The following NMNAT1 variants were observed in gnomAD, a reference collection of about 807,000 sequenced individuals.
NMNAT1 encodes the protein nicotinamide/nicotinic acid mononucleotide adenylyltransferase 1.
Under a neutral mutation model 16.7 loss-of-function variants are expected in NMNAT1, and 11 were observed. That is an observed-to-expected ratio of 0.66 (90% CI 0.41 to 1.09). NMNAT1 has a LOEUF of 1.09. Among genes scored for constraint, NMNAT1 ranks in the 50% least tolerant of loss-of-function variants. The pLI, the probability that NMNAT1 is intolerant of heterozygous loss-of-function variation, is 0.00. For synonymous variants in NMNAT1, 110 were observed against 119.8 expected (o/e 0.92, Z 0.53); for missense variants, 280 against 332.3 (o/e 0.84, Z 1.22).
At chr1:9,986,520 C>G (rs1642047526), downstream of NMNAT1, among the ~76,000 whole-genome samples, 2 of 151,804 alleles carry the variant, frequency 1.3e-5, no homozygotes, top group South Asian at 4.2e-4. Flanking sequence ...TTGCTTGAGC[C>G]CAGGAGTTCA....
Position 9,982,668 on chromosome 1 carries a change from T to C in NMNAT1, c.807T>C (p.Pro269=), listed in dbSNP as rs752414392. ...EDRNAGVILA[P]LQRNTAEAKT ...GGAATGCTGGGGTCATCCTGGCCCC[T>C]TTGCAGAGAAACACTGCAGAAGCTA... The change falls in exon 5 of 5, where the codon CCT becomes CCC. Residue 269 remains proline (P), a synonymous_variant. Coordinates refer to ENST00000377205, the MANE Select transcript of NMNAT1 (RefSeq NM_022787.4). The C allele has an allele frequency of 6.2e-7, 1 of 1,612,856 alleles. No individual in the cohort carries two copies. The highest frequency in any genetic ancestry group is 8.5e-7 in the Non-Finnish European group (1 of 1,179,396).
downstream of NMNAT1, among the ~76,000 whole-genome samples, chr1:9,985,984 G>T (rs1642041068): frequency 6.6e-6 from 1 of 152,118 alleles, no homozygotes; most frequent in East Asian, 1.9e-4. Flanking sequence ...GTGGTGCCTG[G>T]TCCCATTATT....
At chr1:9,943,398 C>G (rs1442285607), upstream of NMNAT1, 1 of 152,460 alleles carries the variant, frequency 6.6e-6, no homozygotes, top group Non-Finnish European at 1.5e-5. Context: ...TTCCGCTGGA[C>G]GCACGCACTT....
the NMNAT1 span, among the ~76,000 whole-genome samples, chr1:9,993,852 G>A: frequency 3.2e-4 from 48 of 152,212 alleles, no homozygotes; most frequent in Middle Eastern, 3.4e-3. Flanking sequence ...GCTTAGCTGC[G>A]TCAAGTTTCA....
At chr1:9,956,566 C>T (rs907543500) in intron 1 of NMNAT1, among the ~76,000 whole-genome samples, 3 of 151,140 alleles carry the variant, frequency 2.0e-5, no homozygotes, top group Admixed American at 6.6e-5. Flanking sequence ...GGATTACAGG[C>T]GTGTGCCACC....
chr1:9,976,537 G>A (rs896744698), intron 3 of NMNAT1, among the ~76,000 whole-genome samples: 5 of 152,154 alleles, frequency 3.3e-5, no homozygotes, highest in African/African-American at 9.7e-5. Context: ...CATCTGGGCA[G>A]GGAGTCACAG....
intron 1 of NMNAT1, among the ~76,000 whole-genome samples, chr1:9,962,689 T>TG (rs927153709): frequency 2.9e-4 from 38 of 133,276 alleles, no homozygotes; most frequent in East Asian, 1.1e-3. Flanking sequence ...TTTTTTTTTT[T>TG]TTTTTTTTTT....
intron 1 of NMNAT1, among the ~76,000 whole-genome samples, chr1:9,945,766 T>C (rs1640965533): frequency 6.6e-6 from 1 of 152,170 alleles, no homozygotes; most frequent in African/African-American, 2.4e-5. Context: ...CCCTGATTTT[T>C]TAATTTTTGT....
chr1:9,972,620 G>A (rs1641715434), intron 2 of NMNAT1: 1 of 155,558 alleles, frequency 6.4e-6, no homozygotes, highest in African/African-American at 2.4e-5. Context: ...AAAAAAGAGG[G>A]TGAAGTATGA....
intron 1 of NMNAT1, among the ~76,000 whole-genome samples, chr1:9,954,963 A>G (rs975909964): frequency 2.0e-5 from 3 of 151,468 alleles, no homozygotes; most frequent in African/African-American, 7.3e-5. Context: ...GTTTAACTTA[A>G]TTTGGTTCCG....
chr1:9,957,665 T>C lies in NMNAT1; in HGVS notation c.-57+14150T>C, dbSNP rs556946786. 2.6e-5 allele frequency among the ~76,000 whole-genome samples: 4 copies of C among 152,350 alleles called. No homozygotes were observed. In the East Asian group the frequency reaches 7.7e-4, roughly 29 times the overall value. ...ACTATTTCATGGGAATTCTGACTTC[T>C]AGTAAGGAAAAATGACTTATTTTAC... On this transcript the variant is annotated intron_variant, in intron 1 of 4. Transcript: ENST00000377205.
chr1:9,958,737 C>A (rs1641329806), intron 1 of NMNAT1, among the ~76,000 whole-genome samples: 1 of 152,120 alleles, frequency 6.6e-6, no homozygotes, highest in South Asian at 2.1e-4. Flanking sequence ...TGCTCCCAGC[C>A]TGTTGATACT....
intron 3 of NMNAT1, among the ~76,000 whole-genome samples, chr1:9,976,573 A>T (rs1641818725): frequency 6.6e-6 from 1 of 151,968 alleles, no homozygotes; most frequent in African/African-American, 2.4e-5. Flanking sequence ...CCTTTGAAGC[A>T]GTTCTAGTTA....
chr1:9,943,145 G>T (rs958402078), upstream of NMNAT1: 1 of 176,598 alleles, frequency 5.7e-6, no homozygotes, highest in Non-Finnish European at 1.2e-5. Context: ...GCGGGAACTT[G>T]AAGTCCGGCA....
chr1:9,956,166 T>G (rs1314463194), intron 1 of NMNAT1, among the ~76,000 whole-genome samples: 2 of 151,054 alleles, frequency 1.3e-5, no homozygotes, highest in African/African-American at 4.9e-5. Context: ...ACCATGTTTC[T>G]TTTCTTTTTT....
chr1:9,965,812 C>T (rs1641528663), intron 1 of NMNAT1, among the ~76,000 whole-genome samples: 1 of 151,608 alleles, frequency 6.6e-6, no homozygotes, highest in Admixed American at 6.6e-5. Flanking sequence ...CATAGTGAGA[C>T]CCTGTCTCTG....
rs368492323 is a variant in NMNAT1, at chr1:9,965,231, C to T, written c.-56-6787C>T. Among the ~76,000 whole-genome samples, 4 of 146,416 alleles carry T rather than the reference C, an allele frequency of 2.7e-5. 1 individual carries two copies. Among genetic ancestry groups the T allele is most frequent in the South Asian group, 4.4e-4 (2 of 4,522 alleles). ...GCTCAGGAGGCTGAGGCAGGAGAAT[C>T]GCTTGAACCCAGGAGGCGGAGGTTG... On this transcript the variant is annotated intron_variant, in intron 1 of 4. Transcript: ENST00000377205.
chr1:9,953,278 CTTT>C (rs35129856), intron 1 of NMNAT1, among the ~76,000 whole-genome samples: 3 of 122,702 alleles, frequency 2.4e-5, no homozygotes, highest in Admixed American at 1.7e-4. Flanking sequence ...TGTGCGCGGG[CTTT>C]TTTTTTTTTT....
At chr1:9,976,653 C>G (rs899386076) in intron 3 of NMNAT1, among the ~76,000 whole-genome samples, 3 of 151,814 alleles carry the variant, frequency 2.0e-5, no homozygotes, top group Non-Finnish European at 2.9e-5. Flanking sequence ...GAGACGGAGT[C>G]TCGCTCTGTC....
Sources: allele counts gnomAD v4.1 joint callset (sites outside exome capture counted in the v4.1 genomes callset), GRCh38; gene constraint gnomAD v4.1.1; transcripts MANE v1.5; gene names NCBI Gene and HGNC (gene_info 2026-07-23, HGNC 2026-07-21).